Variants in STEEP1 observed in about 807,000 individuals in gnomAD.
The protein encoded by STEEP1 is STING1 ER exit protein 1.
A neutral mutation model predicts 19.2 loss-of-function variants in STEEP1; 3 were observed. The observed-to-expected ratio is 0.16, with a 90% CI of 0.07 to 0.40. The LOEUF (loss-of-function observed/expected upper bound fraction) is 0.40. Among genes scored for constraint, STEEP1 ranks in the 10% least tolerant of loss-of-function variants. The probability of loss-of-function intolerance (pLI) is 0.99; values close to 1 mark genes in which losing one functional copy is unlikely to be tolerated. For missense variants in STEEP1, 54 were observed against 177.1 expected (o/e 0.30, Z 3.94); for synonymous variants, 46 against 63.7 (o/e 0.72, Z 1.32).
At chrX:119,544,878 T>C (rs1192510527) in intron 3 of STEEP1, among the ~76,000 whole-genome samples, 2 of 109,334 alleles carry the variant, frequency 1.8e-5, no homozygotes, top group East Asian at 2.9e-4. Context: ...GAGGTGGAGG[T>C]TGCAGTGAGT....
At chrX:119,564,506 G>A (rs1177668917) in intron 1 of STEEP1, among the ~76,000 whole-genome samples, 1 of 99,385 alleles carries the variant, frequency 1.0e-5, no homozygotes, top group Non-Finnish European at 2.0e-5. Flanking sequence ...AAAAAAAAGG[G>A]GGGGGGGAAA....
chrX:119,541,534 G>A lies in STEEP1; in HGVS notation c.514-114C>T, dbSNP rs762915966. 342 of 469,520 alleles carry A rather than the reference G, an allele frequency of 7.3e-4. 1 individual carries two copies. In the Middle Eastern group the frequency reaches 0.011, roughly 15 times the overall value. The allele number at this position is 469,520 out of a possible 1,213,427, so 38.7% of individuals were successfully genotyped here. On this transcript the variant is annotated intron_variant, in intron 5 of 6. Transcript: ENST00000644802. ...CATGAAATCATGACTAAAATGGCAG[G>A]ACTCTGTTCCTTTTCCATTCTCCAT...
At chrX:119,549,491 G>A (rs2053229980) in intron 2 of STEEP1, among the ~76,000 whole-genome samples, 1 of 111,741 alleles carries the variant, frequency 8.9e-6, no homozygotes, top group Admixed American at 9.6e-5. Flanking sequence ...AAGAATAGAA[G>A]GGAACTTCCT....
chrX:119,554,787 C>T (rs2053267344), intron 2 of STEEP1, among the ~76,000 whole-genome samples: 1 of 110,913 alleles, frequency 9.0e-6, no homozygotes, highest in African/African-American at 3.3e-5. Context: ...ATATGAGACA[C>T]CTTGGAAGAT....
intron 1 of STEEP1, among the ~76,000 whole-genome samples, chrX:119,562,965 G>A (rs1400981957): frequency 9.0e-6 from 1 of 111,168 alleles, no homozygotes; most frequent in Non-Finnish European, 1.9e-5. Context: ...AAGGCACTGG[G>A]GGGCAGGAAC....
At chrX:119,542,689 G>T in intron 4 of STEEP1, 95 bp from the exon 5 acceptor site, 1 of 530,598 alleles carries the variant, frequency 1.9e-6, no homozygotes, top group Non-Finnish European at 3.3e-6. Flanking sequence ...AGGGGCTGTG[G>T]GTATTGGGGG....
At chrX:119,541,968 C>T (rs1007836091) in intron 5 of STEEP1, among the ~76,000 whole-genome samples, 3 of 109,558 alleles carry the variant, frequency 2.7e-5, no homozygotes, top group African/African-American at 3.3e-5. Flanking sequence ...TCTCATTCAA[C>T]ATCCAACTCC....
intron 1 of STEEP1, among the ~76,000 whole-genome samples, chrX:119,563,462 C>A (rs1368967566): frequency 9.2e-6 from 1 of 108,917 alleles, no homozygotes; most frequent in East Asian, 2.9e-4. Context: ...GCAGGAGAAT[C>A]GCTTGAACCT....
chrX:119,540,800 C>G (rs944500244), intron 6 of STEEP1, among the ~76,000 whole-genome samples: 2 of 112,176 alleles, frequency 1.8e-5, no homozygotes, highest in African/African-American at 6.5e-5. Flanking sequence ...AATCCCAGTA[C>G]TTTGGGAGCC....
At chrX:119,554,430 G>C (rs1394355166) in intron 2 of STEEP1, among the ~76,000 whole-genome samples, 1 of 111,542 alleles carries the variant, frequency 9.0e-6, no homozygotes. Flanking sequence ...GGGCAACAGA[G>C]TGAGACTTCA....
intron 2 of STEEP1, among the ~76,000 whole-genome samples, chrX:119,554,299 G>A (rs1050837185): frequency 5.4e-5 from 6 of 111,519 alleles, no homozygotes; most frequent in Admixed American, 2.9e-4. Context: ...ACAAAAATTA[G>A]CCAGGCATGG....
intron 2 of STEEP1, among the ~76,000 whole-genome samples, chrX:119,548,384 A>G (rs989510547): frequency 2.7e-5 from 3 of 109,102 alleles, no homozygotes; most frequent in Admixed American, 9.8e-5. Flanking sequence ...GATACAAAAA[A>G]TTAGCCAGGC....
At chrX:119,555,388 GGGGA>G (rs765599412) in intron 2 of STEEP1, among the ~76,000 whole-genome samples, 2 of 110,881 alleles carry the variant, frequency 1.8e-5, no homozygotes, top group South Asian at 7.6e-4. Context: ...GAAATCAGAT[GGGGA>G]GGAAGGAGGA....
rs1195927446 is a variant in STEEP1, at chrX:119,548,027, C to T, written c.243-2523G>A. On this transcript the variant is annotated intron_variant, in intron 2 of 6. Coordinates refer to ENST00000644802, the MANE Select transcript of STEEP1 (RefSeq NM_022101.4). ...TCTCTACTAAAAATACAAAAATTAG[C>T]TGGGTGTTGTGACACATGCCTGTAA... Among the ~76,000 whole-genome samples, 6 of 110,340 alleles carry T rather than the reference C, an allele frequency of 5.4e-5. No individual in the cohort carries two copies. The East Asian group carries it at 1.7e-3, about 31-fold the overall frequency.
intron 2 of STEEP1, among the ~76,000 whole-genome samples, chrX:119,548,588 G>A (rs1245734520): frequency 9.6e-6 from 1 of 104,404 alleles, no homozygotes; most frequent in Non-Finnish European, 2.0e-5. Context: ...AGGATGTGGA[G>A]AAAAGGGAAC....
intron 2 of STEEP1, among the ~76,000 whole-genome samples, chrX:119,554,733 G>A (rs746950976): frequency 1.8e-5 from 2 of 111,592 alleles, no homozygotes; most frequent in African/African-American, 3.3e-5. Flanking sequence ...CCTGTGTTGA[G>A]AAACTGAGGC....
At chrX:119,565,107 C>CGTAG (rs2147365888) in intron 1 of STEEP1, 125 bp downstream of exon 1, 2 of 1,059,264 alleles carry the variant, frequency 1.9e-6, no homozygotes, top group South Asian at 5.4e-5. Context: ...AGGATTTAGT[C>CGTAG]GGAGAGAGAA....
At chrX:119,544,126 T>C (rs1305150815) in intron 4 of STEEP1, among the ~76,000 whole-genome samples, 6 of 110,884 alleles carry the variant, frequency 5.4e-5, no homozygotes, top group Non-Finnish European at 1.1e-4. Context: ...CATAAATATG[T>C]GCATCTATAT....
intron 2 of STEEP1, among the ~76,000 whole-genome samples, chrX:119,559,737 C>T (rs1217212039): frequency 7.1e-5 from 8 of 112,160 alleles, no homozygotes; most frequent in Non-Finnish European, 1.1e-4. Flanking sequence ...AAATTGTAAA[C>T]AAACTACGGC....
Sources: allele counts gnomAD v4.1 joint callset (sites outside exome capture counted in the v4.1 genomes callset), GRCh38; gene constraint gnomAD v4.1.1; transcripts MANE v1.5; gene names NCBI Gene and HGNC (gene_info 2026-07-23, HGNC 2026-07-21).